Variants in SNAP91 observed in about 807,000 individuals in gnomAD.
The protein encoded by SNAP91 is clathrin coat assembly protein AP180.
In SNAP91, 27 loss-of-function variants were observed where a neutral mutation model predicts 100.3. That is an observed-to-expected ratio of 0.27 (90% CI 0.20 to 0.37). The LOEUF (loss-of-function observed/expected upper bound fraction) is 0.37, where lower values mean the gene tolerates loss of function less well. Ranked by LOEUF, SNAP91 falls within the 10% of genes least tolerant of loss-of-function variation. SNAP91 has a pLI of 1.00. For missense variants in SNAP91, 986 were observed against 1,123.7 expected, an observed-to-expected ratio of 0.88 and a Z score of 1.75; for synonymous variants, 404 against 398.6, an observed-to-expected ratio of 1.01 and a Z score of -0.16.
rs537395579 is a variant in SNAP91 at position 83,673,468 on chromosome 6, T to C, written c.131-7887A>G. Among the ~76,000 whole-genome samples, 49 of 152,276 alleles carry C rather than the reference T, an allele frequency of 3.2e-4. 1 individual carries two copies. Among genetic ancestry groups the C allele is most frequent in the Non-Finnish European group, 2.8e-4 (19 of 68,012 alleles). ...TATCTCCAGAACTGTGAGAACCAAA[T>C]TTCTGTTGTTTATAAGCATCTAGTC... On this transcript the variant is annotated intron_variant, in intron 2 of 29. Transcript: ENST00000369694.
intron 2 of SNAP91, among the ~76,000 whole-genome samples, chr6:83,694,722 C>T (rs111245058): frequency 9.1e-4 from 138 of 152,210 alleles, no homozygotes; most frequent in Non-Finnish European, 1.7e-3. Flanking sequence ...ACAAGCGAAA[C>T]AGGGGGTGGA....
At chr6:83,614,056 A>G (rs973269475) in intron 11 of SNAP91, among the ~76,000 whole-genome samples, 1 of 152,188 alleles carries the variant, frequency 6.6e-6, no homozygotes, top group African/African-American at 2.4e-5. Context: ...TGTTAACAGG[A>G]AGCTGTCAAA....
At chr6:83,685,271 A>G (rs2099045500) in intron 2 of SNAP91, among the ~76,000 whole-genome samples, 1 of 152,184 alleles carries the variant, frequency 6.6e-6, no homozygotes, top group Non-Finnish European at 1.5e-5. Flanking sequence ...CTGACAGTTC[A>G]GGGGTCCAGG....
intron 7 of SNAP91, among the ~76,000 whole-genome samples, chr6:83,642,099 C>T (rs2097728874): frequency 6.6e-6 from 1 of 152,158 alleles, no homozygotes; most frequent in Non-Finnish European, 1.5e-5. Flanking sequence ...TGGTTTATAC[C>T]TGATGGCCTA....
intron 13 of SNAP91, among the ~76,000 whole-genome samples, chr6:83,607,367 T>TGTGTG (rs1161855649): frequency 6.4e-4 from 40 of 62,188 alleles, no homozygotes; most frequent in Non-Finnish European, 1.2e-3. Flanking sequence ...GTGTGTGTGT[T>TGTGTG]TTAAAGCATT....
intron 26 of SNAP91, among the ~76,000 whole-genome samples, chr6:83,570,285 A>T (rs114248080): frequency 0.034 from 5,163 of 152,284 alleles, 259 homozygotes; most frequent in African/African-American, 0.12. Context: ...CTAAGCTGCT[A>T]AACATTCAAG....
At chr6:83,668,498 C>T (rs1361869100) in intron 2 of SNAP91, among the ~76,000 whole-genome samples, 3 of 152,058 alleles carry the variant, frequency 2.0e-5, no homozygotes, top group Non-Finnish European at 2.9e-5. Flanking sequence ...TACTATGCAG[C>T]CATAAAAAAT....
intron 23 of SNAP91, 117 bp downstream of exon 23, chr6:83,582,105 C>T: frequency 6.9e-6 from 8 of 1,151,622 alleles, no homozygotes; most frequent in East Asian, 2.5e-5. Context: ...TTTTATAAAC[C>T]AAATTATCAC....
At chr6:83,627,767 A>T (rs759437744) in intron 8 of SNAP91, among the ~76,000 whole-genome samples, 1 of 151,746 alleles carries the variant, frequency 6.6e-6, no homozygotes, top group African/African-American at 2.4e-5. Flanking sequence ...CTAGTGGTCG[A>T]TCAATCTTGT....
At position 83,704,005 on chromosome 6, in the gene SNAP91, ACT is replaced by A. The variant is rs1326854545; in HGVS notation, c.130+3791_130+3792del. On this transcript the variant is annotated intron_variant, in intron 2 of 29. Coordinates refer to ENST00000369694, the MANE Select transcript of SNAP91 (RefSeq NM_001242792.2). ...CACCTGCAGATGTTACTTTGGACCAACTCTATTTTATTGTTCAAGCTTGACAC... is the reference window on the plus strand; with the variant it reads ...CACCTGCAGATGTTACTTTGGACCAACTATTTTATTGTTCAAGCTTGACAC... Among the ~76,000 whole-genome samples the A allele has an allele frequency of 7.9e-5, 12 of 152,218 alleles. No individual in the cohort carries two copies. In the South Asian group the frequency reaches 1.9e-3, roughly 24 times the overall value.
intron 11 of SNAP91, among the ~76,000 whole-genome samples, chr6:83,612,967 C>A (rs148679098): frequency 3.8e-4 from 58 of 151,022 alleles, no homozygotes; most frequent in African/African-American, 1.2e-3. Context: ...ATTATAACTT[C>A]TTCTATAACA....
intron 2 of SNAP91, chr6:83,678,687 TC>T: frequency 1.7e-6 from 2 of 1,153,176 alleles, no homozygotes; most frequent in Non-Finnish European, 2.3e-6. Context: ...GATCTAACCT[TC>T]TACCTTCCAC....
chr6:83,661,458 A>G (rs768933331), intron 5 of SNAP91, 44 bp downstream of exon 5: 1 of 1,231,968 alleles, frequency 8.1e-7, no homozygotes, highest in East Asian at 2.3e-5. Context: ...TATGCCTCAA[A>G]GACTTATTCT....
At chr6:83,693,134 T>G (rs2099152775) in intron 2 of SNAP91, among the ~76,000 whole-genome samples, 1 of 152,162 alleles carries the variant, frequency 6.6e-6, no homozygotes, top group Non-Finnish European at 1.5e-5. Context: ...AATCACTATG[T>G]AAAAGAAAAA....
chr6:83,560,746 A>T, intron 27 of SNAP91, 118 bp downstream of exon 27: 1 of 835,064 alleles, frequency 1.2e-6, no homozygotes, highest in South Asian at 1.5e-5. Flanking sequence ...ACAACTTTTT[A>T]AGTTTTACTT....
chr6:83,636,332 C>T (rs1243682639), intron 8 of SNAP91, among the ~76,000 whole-genome samples: 1 of 152,082 alleles, frequency 6.6e-6, no homozygotes, highest in African/African-American at 2.4e-5. Flanking sequence ...TTACTTAACA[C>T]CATATTTCTT....
At chr6:83,676,289 A>C (rs1197023519) in intron 2 of SNAP91, among the ~76,000 whole-genome samples, 1 of 152,212 alleles carries the variant, frequency 6.6e-6, no homozygotes, top group Non-Finnish European at 1.5e-5. Flanking sequence ...TGGAGGAAAC[A>C]CGCAGACAAC....
chr6:83,700,101 C>T (rs1380120466), intron 2 of SNAP91, among the ~76,000 whole-genome samples: 1 of 152,126 alleles, frequency 6.6e-6, no homozygotes, highest in Admixed American at 6.5e-5. Flanking sequence ...TGAATAATAA[C>T]AGCACGTAAG....
At chr6:83,687,926 T>C (rs2099081840) in intron 2 of SNAP91, among the ~76,000 whole-genome samples, 1 of 152,198 alleles carries the variant, frequency 6.6e-6, no homozygotes, top group South Asian at 2.1e-4. Context: ...ATGCAGTTGT[T>C]ATCTACCGAG....
Sources: gnomAD v4.1 joint callset for allele counts (sites outside exome capture counted in the v4.1 genomes callset) on GRCh38, gnomAD v4.1.1 for gene constraint, MANE v1.5 for transcripts, NCBI Gene and HGNC (gene_info 2026-07-23, HGNC 2026-07-21) for gene names.